The following JAKMIP2 variants were observed in gnomAD, a reference collection of about 807,000 sequenced individuals.
The protein encoded by JAKMIP2 is janus kinase and microtubule interacting protein 2.
Under a neutral mutation model 115.0 loss-of-function variants are expected in JAKMIP2, and 25 were observed. The observed-to-expected ratio is 0.22, with a 90% CI of 0.16 to 0.30. The LOEUF (loss-of-function observed/expected upper bound fraction) is 0.30, where lower values mean the gene tolerates loss of function less well. JAKMIP2 is among the 10% of genes least tolerant of loss of function. The pLI, the probability that JAKMIP2 is intolerant of heterozygous loss-of-function variation, is 1.00. For missense variants in JAKMIP2, 642 were observed against 957.6 expected, an observed-to-expected ratio of 0.67 and a Z score of 4.35; for synonymous variants, 334 against 343.6, an observed-to-expected ratio of 0.97 and a Z score of 0.31.
At chr5:147,705,001 T>C (rs75474755) in intron 1 of JAKMIP2, among the ~76,000 whole-genome samples, 6,764 of 152,260 alleles carry the variant, frequency 0.044, 274 homozygotes, top group East Asian at 0.12. Context: ...TCAGCCAGGA[T>C]AATTTTATCT....
At chr5:147,616,326 C>G (rs944157883) in intron 19 of JAKMIP2, among the ~76,000 whole-genome samples, 1 of 152,112 alleles carries the variant, frequency 6.6e-6, no homozygotes, top group African/African-American at 2.4e-5. Context: ...TTCTAATGAA[C>G]ATTTGTTTAG....
chr5:147,674,907 T>C (rs549384521), intron 1 of JAKMIP2, among the ~76,000 whole-genome samples: 1 of 149,512 alleles, frequency 6.7e-6, no homozygotes, highest in South Asian at 2.1e-4. Context: ...AGAAAGTCAG[T>C]TAGGCTGATT....
intron 1 of JAKMIP2, among the ~76,000 whole-genome samples, chr5:147,749,692 C>T (rs1165997227): frequency 1.3e-5 from 2 of 152,156 alleles, no homozygotes; most frequent in African/African-American, 4.8e-5. Context: ...AATTCAATGT[C>T]ACATTGGAAG....
At chr5:147,614,423 C>T (rs1411448352) in intron 19 of JAKMIP2, among the ~76,000 whole-genome samples, 2 of 152,078 alleles carry the variant, frequency 1.3e-5, no homozygotes, top group Non-Finnish European at 2.9e-5. Flanking sequence ...TTTTTGCTTC[C>T]CATCCCTTTG....
intron 19 of JAKMIP2, among the ~76,000 whole-genome samples, chr5:147,616,433 G>C (rs1021625146): frequency 6.6e-6 from 1 of 152,168 alleles, no homozygotes; most frequent in Non-Finnish European, 1.5e-5. Context: ...TTTCAGAGGT[G>C]AAGTATCTTA....
chr5:147,661,852 T>C (rs1165642271), intron 2 of JAKMIP2: 1 of 176,450 alleles, frequency 5.7e-6, no homozygotes, highest in Non-Finnish European at 1.2e-5. Flanking sequence ...AGTATCGCTA[T>C]CATGGTTTTT....
At chr5:147,614,364 T>G (rs1472456837) in intron 19 of JAKMIP2, among the ~76,000 whole-genome samples, 1 of 152,242 alleles carries the variant, frequency 6.6e-6, no homozygotes, top group East Asian at 1.9e-4. Context: ...ACATATTTTT[T>G]TGTCAAATAA....
chr5:147,650,677 T>C (rs1231095233), intron 3 of JAKMIP2, 130 bp from the exon 4 acceptor site: 1 of 696,850 alleles, frequency 1.4e-6, no homozygotes, highest in Non-Finnish European at 2.4e-6. Flanking sequence ...ATAAGTGTAT[T>C]GGTTTCATGA....
At position 147,744,475 on chromosome 5, in the gene JAKMIP2, A is replaced by C. The variant is rs192460179; in HGVS notation, c.-149+37981T>G. 3.3e-4 allele frequency among the ~76,000 whole-genome samples: 50 copies of C among 152,364 alleles called. 1 individual carries two copies. Among genetic ancestry groups the C allele is most frequent in the African/African-American group, 1.1e-3 (47 of 41,594 alleles). ...TATTTTGGAGCCTCCAGTTGCATTA[A>C]AGATGAATAAAAATCCAAAAGAATT... is the stretch of plus-strand genomic sequence containing the variant. On this transcript the variant is annotated intron_variant, in intron 1 of 21. Transcript: ENST00000616793.
intron 1 of JAKMIP2, among the ~76,000 whole-genome samples, chr5:147,700,627 T>G (rs906787114): frequency 6.6e-6 from 1 of 152,182 alleles, no homozygotes; most frequent in Non-Finnish European, 1.5e-5. Flanking sequence ...AGCTGTGTAT[T>G]TGTTTCCCCA....
At chr5:147,700,511 TAGG>T (rs1264039362) in intron 1 of JAKMIP2, among the ~76,000 whole-genome samples, 2 of 152,172 alleles carry the variant, frequency 1.3e-5, no homozygotes, top group Non-Finnish European at 2.9e-5. Flanking sequence ...ATGCAGTTTC[TAGG>T]AGAAGAAAAT....
chr5:147,721,469 G>C (rs1000190983), intron 1 of JAKMIP2, among the ~76,000 whole-genome samples: 17 of 152,144 alleles, frequency 1.1e-4, no homozygotes, highest in African/African-American at 3.6e-4. Context: ...CTTGCAGTTT[G>C]ATCTCAGACT....
chr5:147,654,007 G>A (rs1160172154), intron 3 of JAKMIP2, among the ~76,000 whole-genome samples: 1 of 152,162 alleles, frequency 6.6e-6, no homozygotes, highest in Non-Finnish European at 1.5e-5. Flanking sequence ...GTTTGTCGAA[G>A]ATCAGGTGGT....
At chr5:147,695,361 C>A (rs1272900414) in intron 1 of JAKMIP2, among the ~76,000 whole-genome samples, 1 of 152,136 alleles carries the variant, frequency 6.6e-6, no homozygotes, top group Non-Finnish European at 1.5e-5. Flanking sequence ...TCCAGACTTC[C>A]TTTTCATAGA....
At chr5:147,700,160 C>T (rs1752266698) in intron 1 of JAKMIP2, among the ~76,000 whole-genome samples, 1 of 151,672 alleles carries the variant, frequency 6.6e-6, no homozygotes, top group South Asian at 2.1e-4. Context: ...TAAAATCAGA[C>T]CATTAGAGAT....
chr5:147,665,303 G>A (rs1759238943), intron 2 of JAKMIP2, among the ~76,000 whole-genome samples: 1 of 152,156 alleles, frequency 6.6e-6, no homozygotes, highest in Non-Finnish European at 1.5e-5. Flanking sequence ...TCACTATCTT[G>A]CCCTTCACAG....
intron 1 of JAKMIP2, among the ~76,000 whole-genome samples, chr5:147,707,823 G>A (rs1752638394): frequency 1.3e-5 from 2 of 152,116 alleles, no homozygotes; most frequent in African/African-American, 4.8e-5. Context: ...AGCAAAATGA[G>A]TTGAAATAGG....
Position 147,634,312 on chromosome 5 carries a change from G to A in JAKMIP2, c.1678-1534C>T, listed in dbSNP as rs2126695732. ...CGGAAATCAGATAGAAGACGTAATG[G>A]GATTTTTTTTATGATAAAGAAATAT... On this transcript the variant is annotated intron_variant, in intron 12 of 21. Coordinates refer to ENST00000616793, the MANE Select transcript of JAKMIP2 (RefSeq NM_001270941.2). 1.3e-5 allele frequency among the ~76,000 whole-genome samples: 2 copies of A among 152,068 alleles called. 1 individual carries two copies. The highest frequency in any genetic ancestry group is 4.2e-4 in the South Asian group (2 of 4,796).
At chr5:147,595,736 C>T (rs572440908) in intron 21 of JAKMIP2, among the ~76,000 whole-genome samples, 2 of 152,178 alleles carry the variant, frequency 1.3e-5, no homozygotes, top group East Asian at 3.9e-4. Context: ...ATTGAAATAT[C>T]ATTAATATTA....
Sources: gnomAD v4.1 joint callset for allele counts (sites outside exome capture counted in the v4.1 genomes callset) on GRCh38, gnomAD v4.1.1 for gene constraint, MANE v1.5 for transcripts, NCBI Gene and HGNC (gene_info 2026-07-23, HGNC 2026-07-21) for gene names.